The following SLC30A6 variants were observed in gnomAD, a reference collection of about 807,000 sequenced individuals.
SLC30A6 encodes zinc transporter 6.
In SLC30A6, 55 loss-of-function variants were observed where a neutral mutation model predicts 63.0. The ratio of observed to expected loss-of-function variants is 0.87; its 90% confidence interval spans 0.70 to 1.09. The LOEUF is 1.09. SLC30A6 is among the 50% of genes least tolerant of loss of function. The pLI is 0.00. For missense variants in SLC30A6, 587 were observed against 549.2 expected, an observed-to-expected ratio of 1.07 and a Z score of -0.69; for synonymous variants, 224 against 186.1, an observed-to-expected ratio of 1.20 and a Z score of -1.66.
intron 2 of SLC30A6, 123 bp downstream of exon 2, chr2:32,171,496 A>C (rs764368084): frequency 1.8e-5 from 12 of 674,894 alleles, no homozygotes; most frequent in African/African-American, 5.4e-5. Context: ...TCATTTTTCT[A>C]TGTTGGAAAA....
At chr2:32,199,141 A>C (rs917612003) in intron 10 of SLC30A6, among the ~76,000 whole-genome samples, 2 of 152,212 alleles carry the variant, frequency 1.3e-5, no homozygotes, top group African/African-American at 4.8e-5. Flanking sequence ...AGGTTCATCT[A>C]TGTTGTAACA....
intron 5 of SLC30A6, among the ~76,000 whole-genome samples, chr2:32,191,258 CTT>C (rs1683295602): frequency 6.6e-6 from 1 of 152,110 alleles, no homozygotes; most frequent in South Asian, 2.1e-4. Flanking sequence ...GAAAACAACA[CTT>C]AATTTGTATT....
At chr2:32,178,587 C>T (rs1040308129) in intron 4 of SLC30A6, among the ~76,000 whole-genome samples, 5 of 152,148 alleles carry the variant, frequency 3.3e-5, no homozygotes, top group Admixed American at 6.5e-5. Flanking sequence ...GCAGGAGAAT[C>T]GCTTGAACCT....
chr2:32,185,117 C>T (rs2148832275), intron 5 of SLC30A6, among the ~76,000 whole-genome samples: 1 of 152,268 alleles, frequency 6.6e-6, no homozygotes, highest in African/African-American at 2.4e-5. Flanking sequence ...GCCTGTAACC[C>T]TAGCACTTTG....
chr2:32,201,529 T>A (rs1056002366), intron 10 of SLC30A6: 8 of 739,604 alleles, frequency 1.1e-5, no homozygotes, highest in Admixed American at 3.6e-5. Context: ...TGCCCCTGTT[T>A]CCTTTCACGT....
intron 12 of SLC30A6, among the ~76,000 whole-genome samples, chr2:32,207,663 A>G (rs1338687219): frequency 1.6e-5 from 2 of 121,462 alleles, no homozygotes; most frequent in Non-Finnish European, 3.4e-5. Flanking sequence ...GCATGTCCAC[A>G]GCGCCTGGCC....
At chr2:32,219,496 G>C (rs573913035) in intron 13 of SLC30A6, among the ~76,000 whole-genome samples, 62 of 151,950 alleles carry the variant, frequency 4.1e-4, no homozygotes, top group Non-Finnish European at 7.2e-4. Context: ...GTGCAGTGGT[G>C]CGATCTTGGC....
intron 10 of SLC30A6, among the ~76,000 whole-genome samples, chr2:32,199,742 T>A (rs1684103642): frequency 6.6e-6 from 1 of 152,176 alleles, no homozygotes; most frequent in African/African-American, 2.4e-5. Context: ...TAATACCCAC[T>A]TTTCCTCCCT....
chr2:32,218,537 T>A (rs898218269), intron 13 of SLC30A6, among the ~76,000 whole-genome samples: 1 of 148,682 alleles, frequency 6.7e-6, no homozygotes, highest in Admixed American at 6.7e-5. Flanking sequence ...TTTGTTTTGT[T>A]TTGTTTTGTT....
intron 1 of SLC30A6, among the ~76,000 whole-genome samples, chr2:32,169,080 C>G (rs981772940): frequency 6.6e-6 from 1 of 151,850 alleles, no homozygotes; most frequent in Admixed American, 6.6e-5. Context: ...TCTTTGGAAC[C>G]AAAATAACTC....
rs1244696484 is a variant in SLC30A6, at chr2:32,197,461, G to T, written c.545+69G>T. On this transcript the variant is annotated intron_variant, in intron 9 of 13. Coordinates refer to ENST00000282587, the MANE Select transcript of SLC30A6 (RefSeq NM_017964.5). ...TACACAAGAAATGCATCTATCATGGGAACTTAAATTATTCGTTGCTGAGGT... is the reference window on the plus strand; with the variant it reads ...TACACAAGAAATGCATCTATCATGGTAACTTAAATTATTCGTTGCTGAGGT... 2.7e-6 allele frequency: 4 copies of T among 1,457,462 alleles called. No individual in the cohort carries two copies. The African/African-American group carries it at 5.6e-5, about 20-fold the overall frequency. The allele number at this position is 1,457,462 out of a possible 1,614,324, so 90.3% of individuals were successfully genotyped here. A position where few individuals can be genotyped will look rare whatever the true frequency, so the allele number is the denominator to read the frequency against.
At position 32,166,319 on chromosome 2, in the gene SLC30A6, G is replaced by T. The variant is rs573655465; in HGVS notation, c.3+416G>T. On this transcript the variant is annotated intron_variant, in intron 1 of 13. Coordinates refer to ENST00000282587, the MANE Select transcript of SLC30A6 (RefSeq NM_017964.5). ...AACGCCAGCGGAAAAAAAAAAAAAA[G>T]GTTAGTAATAGGGTTTTAGGGCAGA... 4.0e-5 allele frequency among the ~76,000 whole-genome samples: 6 copies of T among 151,336 alleles called. No individual in the cohort carries two copies. In the East Asian group the frequency reaches 1.2e-3, roughly 29 times the overall value.
intron 10 of SLC30A6, chr2:32,203,856 G>A (rs1684508576): frequency 8.1e-7 from 1 of 1,236,532 alleles, no homozygotes; most frequent in Non-Finnish European, 1.2e-6. Flanking sequence ...CAAGTGGCCA[G>A]TCGGGCCGAT....
chr2:32,166,436 T>C (rs1573207385), intron 1 of SLC30A6, among the ~76,000 whole-genome samples: 1 of 152,080 alleles, frequency 6.6e-6, no homozygotes, highest in South Asian at 2.1e-4. Flanking sequence ...AAAGTCAAGG[T>C]GTTGGTAGGA....
chr2:32,167,796 C>T (rs983227390), intron 1 of SLC30A6, among the ~76,000 whole-genome samples: 9 of 152,150 alleles, frequency 5.9e-5, no homozygotes, highest in African/African-American at 1.9e-4. Context: ...ACTTAAAATT[C>T]AGAGGTCTTT....
At chr2:32,190,275 A>G (rs964197768) in intron 5 of SLC30A6, among the ~76,000 whole-genome samples, 1 of 152,098 alleles carries the variant, frequency 6.6e-6, no homozygotes, top group Non-Finnish European at 1.5e-5. Context: ...CCTGACCAAC[A>G]TGGTGAAACC....
At chr2:32,191,467 C>G (rs1295152249) in intron 5 of SLC30A6, among the ~76,000 whole-genome samples, 1 of 152,018 alleles carries the variant, frequency 6.6e-6, no homozygotes, top group Non-Finnish European at 1.5e-5. Flanking sequence ...TTTATACTTA[C>G]CATAAATATT....
chr2:32,192,898 T>C lies in SLC30A6; in HGVS notation c.366-20T>C, dbSNP rs923173137. The stretch of plus-strand genomic sequence containing the variant: ...TTTATAATTTATAGGACTTATTTAA[T>C]ATATTTTTATTTCTTATAGTGCAGA... On this transcript the variant is annotated intron_variant, in intron 6 of 13. Coordinates refer to ENST00000282587, the MANE Select transcript of SLC30A6 (RefSeq NM_017964.5). 3 of 1,445,292 alleles carry C rather than the reference T, an allele frequency of 2.1e-6. No individual in the cohort carries two copies. The highest frequency in any genetic ancestry group is 1.9e-6 in the Non-Finnish European group (2 of 1,070,940). The allele number at this position is 1,445,292 out of a possible 1,614,324, so 89.5% of individuals were successfully genotyped here.
rs2148856887 is a variant in SLC30A6 at position 32,193,955 on chromosome 2, G to A, written c.468G>A (p.Arg156=). Residue 156 remains arginine, a synonymous_variant, in exon 8 of 14, where the codon CGG becomes CGA. Coordinates refer to ENST00000282587, the MANE Select transcript of SLC30A6 (RefSeq NM_017964.5). ...CFNLFTMLSI[R]NKPFAYVSEA... ...ACCTGTTCACGATGCTTTCTATTCG[G>A]AATAAACCTTTTGCTTATGTCTCAG... 1 of 1,612,860 alleles carries A rather than the reference G, an allele frequency of 6.2e-7. No homozygotes were observed. Among genetic ancestry groups the A allele is most frequent in the East Asian group, 2.2e-5 (1 of 44,738 alleles).
Sources: allele counts gnomAD v4.1 joint callset (sites outside exome capture counted in the v4.1 genomes callset), GRCh38; gene constraint gnomAD v4.1.1; transcripts MANE v1.5; gene names NCBI Gene and HGNC (gene_info 2026-07-23, HGNC 2026-07-21).